Variants in LYPLAL1 observed in about 807,000 individuals in gnomAD.
LYPLAL1 encodes the protein lysophospholipase-like protein 1.
LYPLAL1 carries 23 observed loss-of-function variants against 19.7 expected under a neutral mutation model. The ratio of observed to expected loss-of-function variants is 1.17; its 90% CI spans 0.84 to 1.65. The LOEUF (loss-of-function observed/expected upper bound fraction) is 1.65. LYPLAL1 is among the 40% of genes most tolerant of loss of function. The pLI is 0.00. For synonymous variants in LYPLAL1, 119 were observed against 96.3 expected, an observed-to-expected ratio of 1.24 and a Z score of -1.38; for missense variants, 355 against 279.4, an observed-to-expected ratio of 1.27 and a Z score of -1.93.
the LYPLAL1 span, among the ~76,000 whole-genome samples, chr1:219,355,136 A>C: frequency 6.6e-6 from 1 of 152,218 alleles, no homozygotes; most frequent in Non-Finnish European, 1.5e-5. Context: ...TGTTCTCTAC[A>C]TAACCAACAC....
At chr1:219,373,438 G>A in the LYPLAL1 span, among the ~76,000 whole-genome samples, 2 of 152,126 alleles carry the variant, frequency 1.3e-5, no homozygotes, top group African/African-American at 4.8e-5. Context: ...TATTACCCCA[G>A]TCTCAAAAGG....
the LYPLAL1 span, among the ~76,000 whole-genome samples, chr1:219,254,538 G>C: frequency 2.0e-5 from 3 of 151,948 alleles, no homozygotes; most frequent in Non-Finnish European, 4.4e-5. Flanking sequence ...CACTGAGGAA[G>C]CTTAGTTTAA....
chr1:219,261,988 C>G, the LYPLAL1 span, among the ~76,000 whole-genome samples: 1 of 152,058 alleles, frequency 6.6e-6, no homozygotes, highest in East Asian at 1.9e-4. Flanking sequence ...ACTAATTATT[C>G]TTAGGTTTAG....
chr1:219,199,624 T>TC (rs1253049424), intron 3 of LYPLAL1, among the ~76,000 whole-genome samples: 1 of 146,628 alleles, frequency 6.8e-6, no homozygotes, highest in African/African-American at 2.5e-5. Flanking sequence ...TTTTTTTCTT[T>TC]TTTTTTTTGA....
At chr1:219,295,820 C>T in the LYPLAL1 span, among the ~76,000 whole-genome samples, 5 of 152,268 alleles carry the variant, frequency 3.3e-5, no homozygotes, top group African/African-American at 1.2e-4. Flanking sequence ...ATCCAAAATC[C>T]TCACTTTGGC....
chr1:219,373,302 C>T, the LYPLAL1 span, among the ~76,000 whole-genome samples: 4 of 152,192 alleles, frequency 2.6e-5, no homozygotes, highest in African/African-American at 9.7e-5. Context: ...CCATCACTTC[C>T]TTGTGAAGTC....
the LYPLAL1 span, among the ~76,000 whole-genome samples, chr1:219,226,388 T>G: frequency 6.6e-6 from 1 of 152,342 alleles, no homozygotes; most frequent in African/African-American, 2.4e-5. Context: ...CATTTTGTTT[T>G]TGACTATAAA....
the LYPLAL1 span, among the ~76,000 whole-genome samples, chr1:219,310,822 G>A: frequency 6.6e-6 from 1 of 152,210 alleles, no homozygotes; most frequent in Non-Finnish European, 1.5e-5. Context: ...TCCTGAATTA[G>A]CATCTCAGTT....
the LYPLAL1 span, among the ~76,000 whole-genome samples, chr1:219,391,039 CAA>C: frequency 6.6e-6 from 1 of 152,138 alleles, no homozygotes; most frequent in Non-Finnish European, 1.5e-5. Context: ...AAAAAGCCAA[CAA>C]CAAAAGGTTA....
chr1:219,424,743 G>A, the LYPLAL1 span, among the ~76,000 whole-genome samples: 1 of 152,098 alleles, frequency 6.6e-6, no homozygotes, highest in African/African-American at 2.4e-5. Flanking sequence ...CCTTAGTTGG[G>A]ACTGACATTT....
the LYPLAL1 span, among the ~76,000 whole-genome samples, chr1:219,352,752 T>A: frequency 6.6e-6 from 1 of 152,148 alleles, no homozygotes; most frequent in Non-Finnish European, 1.5e-5. Context: ...GGTAGCTGCA[T>A]GTTCATTGCA....
At chr1:219,180,768 A>C (rs1178950360) in intron 2 of LYPLAL1, among the ~76,000 whole-genome samples, 1 of 152,196 alleles carries the variant, frequency 6.6e-6, no homozygotes, top group Non-Finnish European at 1.5e-5. Context: ...TTTTTATCTT[A>C]AGAATTTCAT....
intron 1 of LYPLAL1, among the ~76,000 whole-genome samples, chr1:219,175,216 C>CA (rs1177481424): frequency 2.6e-5 from 4 of 152,152 alleles, no homozygotes; most frequent in Non-Finnish European, 4.4e-5. Context: ...TCTCCGACCT[C>CA]AAACTCAGGG....
chr1:219,445,418 G>A, the LYPLAL1 span, among the ~76,000 whole-genome samples: 1 of 96,318 alleles, frequency 1.0e-5, no homozygotes, highest in Non-Finnish European at 1.9e-5. Context: ...TGGGGGGGGG[G>A]CGGTGGGGGG....
the LYPLAL1 span, among the ~76,000 whole-genome samples, chr1:219,419,796 G>A: frequency 1.3e-5 from 2 of 152,098 alleles, no homozygotes; most frequent in Admixed American, 6.6e-5. Context: ...GCAGATTAAG[G>A]CAGATACAGG....
At chr1:219,334,657 C>A in the LYPLAL1 span, among the ~76,000 whole-genome samples, 3 of 151,292 alleles carry the variant, frequency 2.0e-5, no homozygotes, top group Non-Finnish European at 4.4e-5. Flanking sequence ...CTATTTTATC[C>A]GGCATCTAAT....
chr1:219,268,067 G>GTGTT, the LYPLAL1 span, among the ~76,000 whole-genome samples: 1 of 152,184 alleles, frequency 6.6e-6, no homozygotes, highest in Non-Finnish European at 1.5e-5. Flanking sequence ...CACTTACTAT[G>GTGTT]TGTTAGGCAT....
chr1:219,284,542 A>T, the LYPLAL1 span, among the ~76,000 whole-genome samples: 4 of 152,232 alleles, frequency 2.6e-5, no homozygotes, highest in African/African-American at 9.6e-5. Context: ...AATACACAAG[A>T]AAATATTAAA....
At chr1:219,313,200 G>A in the LYPLAL1 span, among the ~76,000 whole-genome samples, 16 of 152,172 alleles carry the variant, frequency 1.1e-4, no homozygotes, top group Admixed American at 1.0e-3. Context: ...AAGAATGTGG[G>A]CTCTGGACAA....
Sources: allele counts gnomAD v4.1 joint callset (sites outside exome capture counted in the v4.1 genomes callset), GRCh38; gene constraint gnomAD v4.1.1; transcripts MANE v1.5; gene names NCBI Gene and HGNC (gene_info 2026-07-23, HGNC 2026-07-21).